The following USP37 variants were observed in gnomAD, a reference collection of about 807,000 sequenced individuals.
USP37 encodes the protein ubiquitin carboxyl-terminal hydrolase 37.
A neutral mutation model predicts 124.0 loss-of-function variants in USP37; 27 were observed. The ratio of observed to expected loss-of-function variants is 0.22; its 90% CI spans 0.16 to 0.30. The LOEUF (loss-of-function observed/expected upper bound fraction) is 0.30, where lower values mean the gene tolerates loss of function less well. Ranked by LOEUF, USP37 falls within the 10% of genes least tolerant of loss-of-function variation. The pLI is 1.00. For synonymous variants in USP37, 365 were observed against 388.0 expected (o/e 0.94, Z 0.70); for missense variants, 889 against 1,140.4 (o/e 0.78, Z 3.17).
At chr2:218,521,249 T>C (rs776315340) in intron 10 of USP37, among the ~76,000 whole-genome samples, 7 of 152,216 alleles carry the variant, frequency 4.6e-5, no homozygotes, top group Non-Finnish European at 7.4e-5. Flanking sequence ...TATTTCCTTA[T>C]AGCAATGTGA....
At position 218,488,408 on chromosome 2, in the gene USP37, T is replaced by G; in HGVS notation, c.1486A>C (p.Ile496Leu). The stretch of plus-strand genomic sequence containing the variant: ...TCATTAAACTGTTCTCTTTTGGGGA[T>G]AATCTCTCCACATCTGTAAGAATAA... ...SIICKACGEI[I>L]PKREQFNDLS... The change falls in exon 15 of 26, where the codon ATC becomes CTC. Residue 496 changes from isoleucine to leucine, a missense_variant. By Grantham distance (5) the Ile-to-Leu change is conservative. Coordinates refer to ENST00000258399, the MANE Select transcript of USP37 (RefSeq NM_020935.3). 8 of 1,603,630 alleles carry G rather than the reference T, an allele frequency of 5.0e-6. No individual in the cohort carries two copies. The highest frequency in any genetic ancestry group is 6.8e-6 in the Non-Finnish European group (8 of 1,175,092).
chr2:218,454,976 T>G lies in USP37; in HGVS notation c.2894A>C (p.Gln965Pro). 6.2e-7 allele frequency: 1 copy of G among 1,614,136 alleles called. No homozygotes were observed. Among genetic ancestry groups the G allele is most frequent in the Non-Finnish European group, 8.5e-7 (1 of 1,180,044 alleles). ...DELLETEKNS[Q>P]SLSTEVGKTT... Reference sequence around the variant, plus strand: ...CTTCCCCACTTCCGTGCTAAGTGACTGAGAGTTCTTTTCTGTTTCCAGCAG... The same window carrying G: ...CTTCCCCACTTCCGTGCTAAGTGACGGAGAGTTCTTTTCTGTTTCCAGCAG... The change falls in exon 26 of 26, where the codon CAG (glutamine) becomes CCG (proline). Residue 965 changes from glutamine to proline, a missense_variant. Gln to Pro is a moderately conservative substitution (Grantham distance 76). This residue lies in a region of USP37 where 504 missense variants were observed against 714.3 expected (regional missense o/e 0.71). Transcript: ENST00000258399.
At chr2:218,504,605 T>C (rs1574896254) in intron 11 of USP37, among the ~76,000 whole-genome samples, 3 of 152,160 alleles carry the variant, frequency 2.0e-5, no homozygotes, top group East Asian at 1.9e-4. Flanking sequence ...TTTTATTTTA[T>C]TTTATTATTT....
At chr2:218,516,111 T>C (rs1690262697) in intron 10 of USP37, among the ~76,000 whole-genome samples, 2 of 152,144 alleles carry the variant, frequency 1.3e-5, no homozygotes, top group Admixed American at 1.3e-4. Flanking sequence ...AGCTCAACCA[T>C]TGTGGAAGAC....
At chr2:218,455,516 A>G in intron 25 of USP37, 64 bp downstream of exon 25, 1 of 1,414,672 alleles carries the variant, frequency 7.1e-7, no homozygotes, top group South Asian at 1.5e-5. Context: ...AAAGGAAAAA[A>G]AAAAAAAAAA....
At chr2:218,508,969 A>G (rs905539178) in intron 11 of USP37, among the ~76,000 whole-genome samples, 11 of 152,226 alleles carry the variant, frequency 7.2e-5, no homozygotes, top group African/African-American at 2.7e-4. Context: ...CAGTTTGGTA[A>G]AAACAATTAA....
At position 218,559,984 on chromosome 2, in the gene USP37, A is replaced by AAAAC. The variant is rs1214202594; in HGVS notation, c.-25+832_-25+835dup. 2.7e-4 allele frequency among the ~76,000 whole-genome samples: 41 copies of AAAAC among 152,048 alleles called. 1 individual carries two copies. The highest frequency in any genetic ancestry group is 5.9e-5 in the Non-Finnish European group (4 of 68,016). ...GACACTCTGAGTGAGACCCTGTCTCAAAACAAACAAACAAAAAAAAAACAC... is the reference window on the plus strand; with the variant it reads ...GACACTCTGAGTGAGACCCTGTCTCAAAACAAACAAACAAACAAAAAAAAAACAC... On this transcript the variant is annotated intron_variant, in intron 3 of 25. Coordinates refer to ENST00000258399, the MANE Select transcript of USP37 (RefSeq NM_020935.3).
intron 18 of USP37, 40 bp downstream of exon 18, chr2:218,479,610 C>T: frequency 6.3e-7 from 1 of 1,580,958 alleles, no homozygotes; most frequent in Middle Eastern, 1.7e-4. Context: ...AAGCCAAAAC[C>T]TTAAACACAG....
intron 18 of USP37, among the ~76,000 whole-genome samples, chr2:218,479,402 A>G (rs746894586): frequency 3.3e-5 from 5 of 152,246 alleles, no homozygotes; most frequent in African/African-American, 7.2e-5. Context: ...ATTAACAATA[A>G]TAAGTTTTTA....
chr2:218,559,610 C>G (rs75467213), intron 3 of USP37, among the ~76,000 whole-genome samples: 1 of 152,134 alleles, frequency 6.6e-6, no homozygotes, highest in Non-Finnish European at 1.5e-5. Context: ...TAGAAAGAAT[C>G]TTTACCAATT....
Position 218,455,635 on chromosome 2 carries a change from C to T in USP37, c.2797G>A (p.Ala933Thr). The change falls in exon 25 of 26, where the codon GCT becomes ACT. Residue 933 changes from alanine (A) to threonine (T), a missense_variant. Physicochemically the swap from Ala to Thr is moderately conservative, Grantham distance 58. Transcript: ENST00000258399. Reference protein sequence around the residue: ...NDLEVSKIQEAAVQSDRDRSG... With the variant: ...NDLEVSKIQETAVQSDRDRSG... ...CGATCTCGATCACTCTGCACGGCAG[C>T]CTCTTGGATTTTTGATACCTCCAGG... 4 of 1,614,210 alleles carry T rather than the reference C, an allele frequency of 2.5e-6. No homozygotes were observed.
In USP37 at chr2:218,479,691, T is replaced by C. The variant is rs1160602888; in HGVS notation, c.1860A>G (p.Gln620=). The change falls in exon 18 of 26, where the codon CAA becomes CAG. Residue 620 remains glutamine, a synonymous_variant. Coordinates refer to ENST00000258399, the MANE Select transcript of USP37 (RefSeq NM_020935.3). ...MAISRPLKAS[Q]MVNSCITSPS... is the part of the protein sequence containing the mutation. ...GGCTGGTGATGCAGGAATTCACCAT[T>C]TGAGAGGCTTTCAATGGTCTAGAAC... 1.2e-6 allele frequency: 2 copies of C among 1,612,242 alleles called. No individual in the cohort carries two copies. Among genetic ancestry groups the C allele is most frequent in the South Asian group, 1.1e-5 (1 of 90,972 alleles).
chr2:218,459,068 G>A (rs972150533), intron 23 of USP37, among the ~76,000 whole-genome samples: 4 of 73,376 alleles, frequency 5.5e-5, no homozygotes, highest in Admixed American at 1.7e-4. Flanking sequence ...TATTTAAGGG[G>A]GGAAAAAGGG....
At chr2:218,466,242 G>A (rs1386334915) in intron 20 of USP37, 66 bp from the exon 21 acceptor site, 6 of 1,490,780 alleles carry the variant, frequency 4.0e-6, no homozygotes, top group Non-Finnish European at 5.4e-6. Flanking sequence ...GAACTAGAGT[G>A]ACACCTACTG....
At chr2:218,477,257 T>TA (rs1389006138) in intron 18 of USP37, among the ~76,000 whole-genome samples, 1 of 152,252 alleles carries the variant, frequency 6.6e-6, no homozygotes, top group African/African-American at 2.4e-5. Flanking sequence ...TGAAATTTGC[T>TA]ATTGTCTTTA....
intron 10 of USP37, among the ~76,000 whole-genome samples, chr2:218,525,464 A>G (rs1690904290): frequency 6.6e-6 from 1 of 152,224 alleles, no homozygotes; most frequent in Non-Finnish European, 1.5e-5. Context: ...AGGCTGGGTG[A>G]CAGAGTGAGA....
intron 10 of USP37, among the ~76,000 whole-genome samples, chr2:218,515,153 C>G (rs183130717): frequency 3.9e-5 from 6 of 152,200 alleles, no homozygotes; most frequent in Admixed American, 2.0e-4. Context: ...GGTCTGCAAG[C>G]TACCACTGAC....
rs981912491 is a variant in USP37 at position 218,498,214 on chromosome 2, A to G, written c.1026-57T>C. ...CAACAGGAATTCCTAAAGTATGTTC[A>G]GTATAGTAGGAGTTCTCCACTTTAT... On this transcript the variant is annotated intron_variant, in intron 11 of 25. Coordinates refer to ENST00000258399, the MANE Select transcript of USP37 (RefSeq NM_020935.3). 2.2e-5 allele frequency: 33 copies of G among 1,505,956 alleles called. No homozygotes were observed. In the African/African-American group the frequency reaches 4.3e-4, roughly 20 times the overall value. The allele number at this position is 1,505,956 out of a possible 1,614,324, so 93.3% of individuals were successfully genotyped here. A position where few individuals can be genotyped will look rare whatever the true frequency, so the allele number is the denominator to read the frequency against.
chr2:218,536,448 A>T (rs1691648623), intron 8 of USP37, among the ~76,000 whole-genome samples: 1 of 152,200 alleles, frequency 6.6e-6, no homozygotes, highest in African/African-American at 2.4e-5. Context: ...GTTACTAGAG[A>T]TACTTTGCCT....
Sources: allele counts gnomAD v4.1 joint callset (sites outside exome capture counted in the v4.1 genomes callset), GRCh38; gene constraint gnomAD v4.1.1; regional missense constraint gnomAD v4.1.1; transcripts MANE v1.5; gene names NCBI Gene and HGNC (gene_info 2026-07-23, HGNC 2026-07-21).